The following SETD4 variants were observed in gnomAD, a reference collection of about 807,000 sequenced individuals.
SETD4 encodes SET domain-containing protein 4.
Under a neutral mutation model 58.3 loss-of-function variants are expected in SETD4, and 46 were observed. That is an observed-to-expected ratio of 0.79 (90% CI 0.62 to 1.01). The LOEUF (loss-of-function observed/expected upper bound fraction) is 1.01, where lower values mean the gene tolerates loss of function less well. SETD4 is among the 50% of genes least tolerant of loss of function. The pLI is 0.00. For missense variants in SETD4, 490 were observed against 523.3 expected, an observed-to-expected ratio of 0.94 and a Z score of 0.62; for synonymous variants, 190 against 202.6, an observed-to-expected ratio of 0.94 and a Z score of 0.53.
At chr21:36,047,067 C>T (rs532853007) in intron 5 of SETD4, among the ~76,000 whole-genome samples, 1 of 152,232 alleles carries the variant, frequency 6.6e-6, no homozygotes, top group African/African-American at 2.4e-5. Context: ...ACCAGCCTGA[C>T]CAACATGGAG....
Position 36,041,845 on chromosome 21 carries a change from G to A in SETD4, c.945C>T (p.Asp315=), listed in dbSNP as rs1315990773. The change falls in exon 8 of 12, where the codon GAC becomes GAT. Residue 315 remains aspartate (D), a synonymous_variant. Transcript: ENST00000332131. The part of the protein sequence containing the change: ...KYLPSTDKQM[D]KKISILKDHG... ...GATCCTTTAAAATAGAAATCTTTTT[G>A]TCCATCTGTTTATCTGTTGATGGAA... The A allele has an allele frequency of 1.4e-6, 2 of 1,477,682 alleles. No individual in the cohort carries two copies. The highest frequency in any genetic ancestry group is 1.8e-6 in the Non-Finnish European group (2 of 1,083,680). The allele number at this position is 1,477,682 out of a possible 1,614,324, so 91.5% of individuals were successfully genotyped here. A position where few individuals can be genotyped will look rare whatever the true frequency, so the allele number is the denominator to read the frequency against.
Position 36,036,160 on chromosome 21 carries a change from GC to G in SETD4, c.1279del (p.Ala427HisfsTer60). On this transcript the variant is annotated frameshift_variant, in exon 11 of 12. Transcript: ENST00000332131. LOFTEE classifies it high-confidence loss of function. ...LWTEELKILR[A>X]SAETLHSLQT... is the part of the protein sequence containing the mutation. ...CAAACTGTGCAGGGTCTCGGCAGAT[GC>G]CCTGAGAATCTTTAGCTCTTCCGTC... 1 of 1,613,946 alleles carries G rather than the reference GC, an allele frequency of 6.2e-7. No homozygotes were observed. Among genetic ancestry groups the G allele is most frequent in the South Asian group, 1.1e-5 (1 of 90,984 alleles).
At chr21:36,057,561 C>T in intron 2 of SETD4, 3 of 491,976 alleles carry the variant, frequency 6.1e-6, no homozygotes, top group Non-Finnish European at 7.4e-6. Flanking sequence ...ACTTATGCAA[C>T]ATACGACTAT....
rs894769147 is a variant in SETD4 at position 36,041,915 on chromosome 21, G to A, written c.902-27C>T. 3.2e-6 allele frequency: 4 copies of A among 1,231,832 alleles called. No homozygotes were observed. The Admixed American group carries it at 7.8e-5, about 24-fold the overall frequency. The allele number at this position is 1,231,832 out of a possible 1,614,324, so 76.3% of individuals were successfully genotyped here. On this transcript the variant is annotated intron_variant, in intron 7 of 11. Transcript: ENST00000332131. ...TATATTCAAAAAAAAAAATCAGACTGTTAGGGCATAAATTTGGACAAAAGT... is the reference window on the plus strand; with the variant it reads ...TATATTCAAAAAAAAAAATCAGACTATTAGGGCATAAATTTGGACAAAAGT...
intron 1 of SETD4, chr21:36,059,637 G>A (rs896730943): frequency 1.2e-5 from 8 of 661,218 alleles, no homozygotes; most frequent in African/African-American, 2.0e-5. Context: ...GCAGCTAGAC[G>A]AGATCACGCC....
chr21:36,057,601 C>CA, intron 2 of SETD4: 1 of 414,782 alleles, frequency 2.4e-6, no homozygotes. Flanking sequence ...AATCAAAATT[C>CA]AAGCAGGCTT....
At chr21:36,055,044 T>C (rs1291433880) in intron 3 of SETD4, among the ~76,000 whole-genome samples, 1 of 152,252 alleles carries the variant, frequency 6.6e-6, no homozygotes, top group Non-Finnish European at 1.5e-5. Context: ...CAGCTGGTTC[T>C]AGTGTTAACT....
Position 36,045,902 on chromosome 21 carries a change from C to T in SETD4, c.406G>A (p.Ala136Thr). The stretch of plus-strand genomic sequence containing the variant: ...TCCAAACAAACAGGGCAGGTATACG[C>T]CTTGGGTAAAATCTCCAGGTAAGGC... ...WKPYLEILPK[A>T]YTCPVCLEPE... The change falls in exon 6 of 12, where the codon GCG (alanine) becomes ACG (threonine). Residue 136 changes from alanine to threonine, a missense_variant. Coordinates refer to ENST00000332131, the MANE Select transcript of SETD4 (RefSeq NM_017438.5). 1 of 1,614,190 alleles carries T rather than the reference C, an allele frequency of 6.2e-7. No homozygotes were observed. The highest frequency in any genetic ancestry group is 1.3e-5 in the African/African-American group (1 of 75,034).
intron 4 of SETD4, among the ~76,000 whole-genome samples, chr21:36,049,204 G>A (rs906600991): frequency 1.3e-5 from 2 of 152,218 alleles, no homozygotes; most frequent in African/African-American, 4.8e-5. Flanking sequence ...AACACTGCAT[G>A]AAGAAGCCAG....
chr21:36,044,887 C>T (rs34207965), intron 6 of SETD4, among the ~76,000 whole-genome samples: 6,389 of 152,302 alleles, frequency 0.042, 199 homozygotes, highest in Non-Finnish European at 0.061. Flanking sequence ...CTCTTCCGCT[C>T]TCCAAGCCAG....
intron 4 of SETD4, among the ~76,000 whole-genome samples, chr21:36,052,208 A>G (rs1185264412): frequency 6.6e-6 from 1 of 152,118 alleles, no homozygotes; most frequent in Non-Finnish European, 1.5e-5. Context: ...CTTTCCTTTA[A>G]TATTTTAAAA....
chr21:36,044,609 C>A (rs1284378638), intron 6 of SETD4, among the ~76,000 whole-genome samples: 1 of 152,210 alleles, frequency 6.6e-6, no homozygotes, highest in East Asian at 1.9e-4. Context: ...TAATCCCAGG[C>A]TCCTTTGCTC....
At chr21:36,047,713 G>A (rs1216472605) in intron 5 of SETD4, among the ~76,000 whole-genome samples, 4 of 151,600 alleles carry the variant, frequency 2.6e-5, no homozygotes, top group Admixed American at 6.6e-5. Context: ...CTTTCTGGCC[G>A]GGCACGGTGG....
chr21:36,048,635 G>A (rs138922111), intron 4 of SETD4, among the ~76,000 whole-genome samples: 1,659 of 151,900 alleles, frequency 0.011, 13 homozygotes, highest in Non-Finnish European at 0.017. Flanking sequence ...TCAATTATGT[G>A]ACTGACACCC....
intron 6 of SETD4, among the ~76,000 whole-genome samples, chr21:36,044,833 A>G (rs1404544153): frequency 2.0e-5 from 3 of 152,186 alleles, no homozygotes; most frequent in African/African-American, 7.2e-5. Context: ...ATGTCCCTCC[A>G]CAACACACCC....
At chr21:36,060,128 C>T (rs2065218850) in intron 1 of SETD4, 2 of 985,584 alleles carry the variant, frequency 2.0e-6, no homozygotes, top group Non-Finnish European at 2.4e-6. Flanking sequence ...GGCTCCTCAG[C>T]TTTACGCAGC....
Position 36,038,245 on chromosome 21 carries a change from C to G in SETD4, c.1093G>C (p.Glu365Gln). 6.2e-7 allele frequency: 1 copy of G among 1,613,668 alleles called. No individual in the cohort carries two copies. The highest frequency in any genetic ancestry group is 8.5e-7 in the Non-Finnish European group (1 of 1,179,924). Residue 365 changes from glutamate to glutamine, a missense_variant, in exon 10 of 12, where the codon GAG becomes CAG. Physicochemically the swap from Glu to Gln is conservative, Grantham distance 29. Coordinates refer to ENST00000332131, the MANE Select transcript of SETD4 (RefSeq NM_017438.5). ...TTCTCATTCGTATCTGAAATTACCT[C>G]CCCAAGAAGTACTTTTTTCCAGCAT... The part of the protein sequence containing the change: ...FTCWKKVLLG[E>Q]VISDTNEKTS...
At chr21:36,036,762 C>T (rs1568897403) in intron 10 of SETD4, 1 of 345,974 alleles carries the variant, frequency 2.9e-6, no homozygotes, top group Non-Finnish European at 4.1e-6. Flanking sequence ...AAAGTAAAGG[C>T]AAAGATATGG....
intron 7 of SETD4, chr21:36,042,548 TTTTTA>T (rs1027956831): frequency 6.6e-6 from 1 of 152,320 alleles, no homozygotes; most frequent in African/African-American, 2.4e-5. Flanking sequence ...TGCTTTTCTA[TTTTTA>T]TTTTGAGAAA....
Sources: gnomAD v4.1 joint callset for allele counts (sites outside exome capture counted in the v4.1 genomes callset) on GRCh38, gnomAD v4.1.1 for gene constraint, MANE v1.5 for transcripts, NCBI Gene and HGNC (gene_info 2026-07-23, HGNC 2026-07-21) for gene names.